CAMK2B: variants seen among roughly 807,000 people sequenced by gnomAD.
CAMK2B encodes the protein calcium/calmodulin-dependent protein kinase type II subunit beta.
In CAMK2B, 27 loss-of-function variants were observed where a neutral mutation model predicts 93.7. The observed-to-expected ratio is 0.29, with a 90% CI of 0.21 to 0.40. CAMK2B has a LOEUF of 0.40. Among genes scored for constraint, CAMK2B ranks in the 10% least tolerant of loss-of-function variants. The pLI is 1.00. For missense variants in CAMK2B, 568 were observed against 895.8 expected, an observed-to-expected ratio of 0.63 and a Z score of 4.67; for synonymous variants, 374 against 358.8, an observed-to-expected ratio of 1.04 and a Z score of -0.48.
Position 44,242,215 on chromosome 7 carries a change from C to T in CAMK2B, c.819+3G>A. The stretch of plus-strand genomic sequence containing the variant: ...CCCACCATGGGCACCAAGGGCGACT[C>T]ACGCAGACCCACGGGTGCTTCAGGG... On this transcript the variant is annotated splice_donor_region_variant and intron_variant, in intron 10 of 23. Coordinates refer to ENST00000395749, the MANE Select transcript of CAMK2B (RefSeq NM_001220.5). 1.2e-6 allele frequency: 2 copies of T among 1,612,214 alleles called. No individual in the cohort carries two copies. The highest frequency in any genetic ancestry group is 2.2e-5 in the East Asian group (1 of 44,842).
intron 18 of CAMK2B, 67 bp downstream of exon 18, chr7:44,229,321 T>A: frequency 9.5e-7 from 1 of 1,049,028 alleles, no homozygotes; most frequent in Non-Finnish European, 1.4e-6. Context: ...GGCTCTGGAG[T>A]GGCCCCTCTA....
chr7:44,284,082 C>T (rs1276029085), intron 2 of CAMK2B, 49 bp downstream of exon 2: 1 of 1,435,410 alleles, frequency 7.0e-7, no homozygotes, highest in Non-Finnish European at 9.8e-7. Context: ...CCTCCAAAGC[C>T]CCTGCCCCAG....
intron 23 of CAMK2B, 79 bp from the exon 24 acceptor site, chr7:44,219,601 C>T (rs1307847911): frequency 6.0e-6 from 1 of 166,102 alleles, no homozygotes; most frequent in African/African-American, 2.4e-5. Flanking sequence ...TGCCATGCGG[C>T]ACTGCAGAGA....
chr7:44,281,908 G>T (rs903560586), intron 2 of CAMK2B, among the ~76,000 whole-genome samples: 1 of 152,116 alleles, frequency 6.6e-6, no homozygotes, highest in Non-Finnish European at 1.5e-5. Flanking sequence ...CAGGCCCCTT[G>T]GGAACCTGAA....
chr7:44,272,448 C>T (rs573989060), intron 2 of CAMK2B, among the ~76,000 whole-genome samples: 4 of 152,286 alleles, frequency 2.6e-5, no homozygotes, highest in African/African-American at 7.2e-5. Context: ...TGCAAGAGGG[C>T]GGCTCTTGCT....
intron 5 of CAMK2B, 124 bp downstream of exon 5, chr7:44,254,418 G>A: frequency 1.4e-6 from 1 of 734,018 alleles, no homozygotes; most frequent in East Asian, 2.6e-5. Flanking sequence ...TCGCTCTGGG[G>A]TGTGGGTGAG....
chr7:44,228,711 A>C (rs1469806057), intron 19 of CAMK2B, 85 bp downstream of exon 19: 44 of 1,288,704 alleles, frequency 3.4e-5, no homozygotes, highest in Non-Finnish European at 4.2e-5. Flanking sequence ...TGGGCCGTGC[A>C]TGCAGGTGGG....
chr7:44,241,675 C>A (rs1175160124), intron 11 of CAMK2B, 25 bp downstream of exon 11: 3 of 1,591,800 alleles, frequency 1.9e-6, no homozygotes, highest in Non-Finnish European at 2.6e-6. Flanking sequence ...ATGGCCGTGC[C>A]TGGGACTAGG....
At position 44,234,648 on chromosome 7, in the gene CAMK2B, A is replaced by G. The variant is rs769304973; in HGVS notation, c.1050T>C (p.Asp350=). Residue 350 remains aspartate (D), a synonymous_variant, in exon 14 of 24, where the codon GAT becomes GAC. Transcript: ENST00000395749. ...CCGGCTGGAGCCTCACCTTGACTCC[A>G]TCTGCTTTCTTGTTGAGTAAACTCT... The part of the protein sequence containing the change: ...QAKSLLNKKA[D]GVKPQTNSTK... 6.2e-7 allele frequency: 1 copy of G among 1,614,052 alleles called. No homozygotes were observed. Among genetic ancestry groups the G allele is most frequent in the Non-Finnish European group, 8.5e-7 (1 of 1,179,950 alleles).
rs777334391 is a variant in CAMK2B at position 44,242,510 on chromosome 7, G to A, written c.696+50C>T. 2.3e-5 allele frequency: 36 copies of A among 1,538,038 alleles called. No homozygotes were observed. In the Middle Eastern group the frequency reaches 1.0e-3, roughly 44 times the overall value. On this transcript the variant is annotated intron_variant, in intron 9 of 23. Coordinates refer to ENST00000395749, the MANE Select transcript of CAMK2B (RefSeq NM_001220.5). The stretch of plus-strand genomic sequence containing the variant: ...GCCTCTTCCCACGCTGCCCTCACCC[G>A]GCCACACCTGGAGGAAGGGAGCTCA...
chr7:44,322,997 A>G (rs890113478), intron 1 of CAMK2B, among the ~76,000 whole-genome samples: 5 of 152,216 alleles, frequency 3.3e-5, no homozygotes, highest in African/African-American at 9.6e-5. Context: ...AAGGGACCCC[A>G]GCGCTGCAAA....
intron 2 of CAMK2B, among the ~76,000 whole-genome samples, chr7:44,276,271 TGCG>T (rs2097038306): frequency 6.6e-6 from 1 of 151,984 alleles, no homozygotes; most frequent in African/African-American, 2.4e-5. Context: ...GTCCCTGCAA[TGCG>T]GCGCCTTGTC....
intron 5 of CAMK2B, among the ~76,000 whole-genome samples, chr7:44,249,262 G>A (rs751009168): frequency 3.9e-5 from 6 of 152,250 alleles, no homozygotes; most frequent in Non-Finnish European, 2.9e-5. Context: ...TGGCTGGCTG[G>A]CTGGGGTGGG....
At chr7:44,234,003 G>A (rs1206931597) in intron 15 of CAMK2B, among the ~76,000 whole-genome samples, 1 of 152,248 alleles carries the variant, frequency 6.6e-6, no homozygotes, top group Admixed American at 6.5e-5. Context: ...TCGGCCTGTT[G>A]AGGATGGTGG....
At chr7:44,277,293 ATC>A (rs1434215473) in intron 2 of CAMK2B, among the ~76,000 whole-genome samples, 2 of 152,108 alleles carry the variant, frequency 1.3e-5, no homozygotes, top group Non-Finnish European at 2.9e-5. Context: ...TAGTTTAATA[ATC>A]TCTCATTATT....
At chr7:44,265,953 C>G (rs375842112) in intron 2 of CAMK2B, among the ~76,000 whole-genome samples, 106 of 152,212 alleles carry the variant, frequency 7.0e-4, no homozygotes, top group African/African-American at 2.5e-3. Flanking sequence ...GCTTCACTCT[C>G]GGTGGCAGGA....
In CAMK2B at chr7:44,298,738, A is replaced by G. The variant is rs1789025499; in HGVS notation, c.66-14513T>C. Among the ~76,000 whole-genome samples, 4 of 152,226 alleles carry G rather than the reference A, an allele frequency of 2.6e-5. No individual in the cohort carries two copies. The South Asian group carries it at 8.3e-4, about 31-fold the overall frequency. On this transcript the variant is annotated intron_variant, in intron 1 of 23. Transcript: ENST00000395749. ...AAGAACTTGAATAGACATTTCTCCAAAGAAGATATGCAAATGGAAAACAAG... is the reference window on the plus strand; with the variant it reads ...AAGAACTTGAATAGACATTTCTCCAGAGAAGATATGCAAATGGAAAACAAG...
chr7:44,314,375 A>G (rs1794334796), intron 1 of CAMK2B, among the ~76,000 whole-genome samples: 1 of 152,110 alleles, frequency 6.6e-6, no homozygotes, highest in South Asian at 2.1e-4. Context: ...TAAACAACAC[A>G]TGGCCTTTTG....
At chr7:44,262,248 G>A (rs1214720099) in intron 3 of CAMK2B, among the ~76,000 whole-genome samples, 3 of 152,214 alleles carry the variant, frequency 2.0e-5, no homozygotes, top group African/African-American at 7.2e-5. Flanking sequence ...GTGAATCAGA[G>A]CTTTGGAGGA....
Sources: allele counts gnomAD v4.1 joint callset (sites outside exome capture counted in the v4.1 genomes callset), GRCh38; gene constraint gnomAD v4.1.1; transcripts MANE v1.5; gene names NCBI Gene and HGNC (gene_info 2026-07-23, HGNC 2026-07-21).